Variants in TUSC3 observed in about 807,000 individuals in gnomAD.
TUSC3 encodes tumor suppressor candidate 3.
A neutral mutation model predicts 44.8 loss-of-function variants in TUSC3; 45 were observed. The observed-to-expected ratio is 1.00, with a 90% CI of 0.79 to 1.29. TUSC3 has a LOEUF of 1.29. Ranked by LOEUF, TUSC3 falls within the 50% of genes most tolerant of loss-of-function variation. TUSC3 has a pLI of 0.00. For missense variants in TUSC3, 519 were observed against 437.9 expected (o/e 1.19, Z -1.65); for synonymous variants, 212 against 152.9 (o/e 1.39, Z -2.85).
chr8:15,834,112 C>A, the TUSC3 span, among the ~76,000 whole-genome samples: 1 of 152,076 alleles, frequency 6.6e-6, no homozygotes, highest in Non-Finnish European at 1.5e-5. Flanking sequence ...CTCCTCATTA[C>A]TTTCTTTTTC....
chr8:15,804,303 AGTTT>A, the TUSC3 span, among the ~76,000 whole-genome samples: 2 of 152,186 alleles, frequency 1.3e-5, no homozygotes, highest in Non-Finnish European at 2.9e-5. Flanking sequence ...CTCTGTTTAT[AGTTT>A]GTTTTGCTGT....
At chr8:15,699,777 G>C (rs1024118753) in intron 6 of TUSC3, among the ~76,000 whole-genome samples, 10 of 152,078 alleles carry the variant, frequency 6.6e-5, no homozygotes, top group African/African-American at 2.2e-4. Context: ...TACAGGAAAA[G>C]TCTAATTTAA....
At chr8:15,619,204 C>G (rs962352988) in intron 1 of TUSC3, among the ~76,000 whole-genome samples, 8 of 152,040 alleles carry the variant, frequency 5.3e-5, no homozygotes, top group Admixed American at 1.3e-4. Context: ...GATTTCAGTT[C>G]TTATTTTCAC....
intron 6 of TUSC3, among the ~76,000 whole-genome samples, chr8:15,724,813 C>T (rs1290121681): frequency 3.3e-5 from 5 of 152,138 alleles, no homozygotes; most frequent in African/African-American, 4.8e-5. Flanking sequence ...TCATTTCATA[C>T]TGATTTGCAT....
chr8:15,660,312 G>A (rs965315733), intron 4 of TUSC3, among the ~76,000 whole-genome samples: 13 of 152,026 alleles, frequency 8.6e-5, no homozygotes, highest in African/African-American at 2.9e-4. Context: ...TACCTAGAAT[G>A]AAGCTCAAGA....
intron 1 of TUSC3, among the ~76,000 whole-genome samples, chr8:15,587,287 A>AAT (rs1258541651): frequency 2.6e-5 from 4 of 152,140 alleles, no homozygotes; most frequent in African/African-American, 9.7e-5. Flanking sequence ...ATTTTTTTAA[A>AAT]AAACTTCTTT....
the TUSC3 span, among the ~76,000 whole-genome samples, chr8:15,808,413 A>G: frequency 1.3e-5 from 2 of 152,152 alleles, no homozygotes; most frequent in East Asian, 3.9e-4. Flanking sequence ...ATTCCTTTGC[A>G]TTTTATTACT....
intron 1 of TUSC3, among the ~76,000 whole-genome samples, chr8:15,427,299 C>G (rs1485994694): frequency 6.7e-6 from 1 of 148,990 alleles, no homozygotes. Context: ...ATGAGCAGGG[C>G]AGGAGAGGGC....
chr8:15,553,692 G>T (rs1443972791), intron 1 of TUSC3, among the ~76,000 whole-genome samples: 1 of 151,742 alleles, frequency 6.6e-6, no homozygotes, highest in African/African-American at 2.4e-5. Context: ...TGAGTGGGTT[G>T]TGAGGAAGTG....
chr8:15,738,827 C>CTTTTTTTTTTTCTTTT (rs1811050249), intron 7 of TUSC3, among the ~76,000 whole-genome samples: 1 of 87,172 alleles, frequency 1.1e-5, no homozygotes. Context: ...ATATATCTTG[C>CTTTTTTTTTTTCTTTT]TTTTTTTTTT....
Position 15,623,141 on chromosome 8 carries a change from G to C in TUSC3, c.200G>C (p.Arg67Pro). 1.2e-6 allele frequency: 2 copies of C among 1,613,790 alleles called. No individual in the cohort carries two copies. Among genetic ancestry groups the C allele is most frequent in the Non-Finnish European group, 1.7e-6 (2 of 1,179,870 alleles). The stretch of plus-strand genomic sequence containing the variant: ...TGGAGTTCCAGACGCTCAATCTTCC[G>C]AATGAATGGTGATAAATTCCGAAAA... ...MEWSSRRSIF[R>P]MNGDKFRKFI... is the part of the protein sequence containing the mutation. Residue 67 changes from arginine to proline, a missense_variant, in exon 2 of 11, where the codon CGA (arginine) becomes CCA (proline). Arg to Pro is a moderately radical substitution (Grantham distance 103, BLOSUM62 -2). Transcript: ENST00000503731.
intron 2 of TUSC3, among the ~76,000 whole-genome samples, chr8:15,534,414 C>T (rs545587559): frequency 1.7e-4 from 26 of 152,054 alleles, no homozygotes; most frequent in East Asian, 1.6e-3. Flanking sequence ...GAGGCCGAGG[C>T]GGGCAGATCA....
At chr8:15,662,047 G>C in intron 4 of TUSC3, 109 bp from the exon 5 acceptor site, 2 of 1,214,030 alleles carry the variant, frequency 1.6e-6, no homozygotes, top group South Asian at 1.3e-5. Context: ...GAAAAGTTGG[G>C]TGGCATGTTT....
At chr8:15,715,025 C>G (rs1585259168) in intron 6 of TUSC3, among the ~76,000 whole-genome samples, 1 of 152,168 alleles carries the variant, frequency 6.6e-6, no homozygotes, top group Non-Finnish European at 1.5e-5. Flanking sequence ...TCCCTTGACA[C>G]TTCTTGATTA....
chr8:15,740,745 A>G (rs746433068), intron 7 of TUSC3, among the ~76,000 whole-genome samples: 2 of 152,190 alleles, frequency 1.3e-5, no homozygotes, highest in Non-Finnish European at 2.9e-5. Context: ...ATTTGAAAAT[A>G]CACTTACCAA....
intron 9 of TUSC3, among the ~76,000 whole-genome samples, chr8:15,756,055 C>G (rs1278862622): frequency 7.2e-5 from 11 of 152,118 alleles, no homozygotes; most frequent in Admixed American, 7.2e-4. Context: ...TCATTAGACT[C>G]TGTCTTAGGG....
At chr8:15,645,554 T>G (rs1055296703) in intron 2 of TUSC3, among the ~76,000 whole-genome samples, 4 of 152,054 alleles carry the variant, frequency 2.6e-5, no homozygotes, top group African/African-American at 9.7e-5. Context: ...TGTACTAGAG[T>G]GCTTATCTAT....
At chr8:15,485,074 C>T (rs1800716868) in intron 2 of TUSC3, among the ~76,000 whole-genome samples, 1 of 152,128 alleles carries the variant, frequency 6.6e-6, no homozygotes, top group Non-Finnish European at 1.5e-5. Flanking sequence ...TTTGCACTTT[C>T]AGTCAAGAAA....
At chr8:15,479,680 C>G (rs574002564) in intron 1 of TUSC3, among the ~76,000 whole-genome samples, 1 of 152,176 alleles carries the variant, frequency 6.6e-6, no homozygotes, top group Non-Finnish European at 1.5e-5. Context: ...GTTTTGGTTA[C>G]TATACCTTGT....
Sources: gnomAD v4.1 joint callset for allele counts (sites outside exome capture counted in the v4.1 genomes callset) on GRCh38, gnomAD v4.1.1 for gene constraint, MANE v1.5 for transcripts, NCBI Gene and HGNC (gene_info 2026-07-23, HGNC 2026-07-21) for gene names.